The following PDE4D variants were observed in gnomAD, a reference collection of about 807,000 sequenced individuals.
PDE4D encodes phosphodiesterase 4D, also known as 3',5'-cyclic-AMP phosphodiesterase 4D.
Under a neutral mutation model 87.4 loss-of-function variants are expected in PDE4D, and 24 were observed. That is an observed-to-expected ratio of 0.27 (90% CI 0.20 to 0.39). The LOEUF is 0.39. Ranked by LOEUF, PDE4D falls within the 10% of genes least tolerant of loss-of-function variation. The pLI, the probability that PDE4D is intolerant of heterozygous loss-of-function variation, is 1.00. For missense variants in PDE4D, 714 were observed against 1,041.0 expected (o/e 0.69, Z 4.32); for synonymous variants, 384 against 383.2 (o/e 1.00, Z -0.02).
intron 1 of PDE4D, among the ~76,000 whole-genome samples, chr5:60,384,899 C>A (rs1365130088): frequency 6.6e-6 from 1 of 152,210 alleles, no homozygotes; most frequent in Non-Finnish European, 1.5e-5. Flanking sequence ...AAATCCTATT[C>A]CTCTTCTTGT....
intron 1 of PDE4D, among the ~76,000 whole-genome samples, chr5:59,612,238 TTTG>T (rs1415812813): frequency 6.3e-4 from 5 of 7,966 alleles, no homozygotes; most frequent in Non-Finnish European, 5.5e-4. Context: ...CACTGTTTTT[TTTG>T]TTTGTTTGTT....
chr5:59,232,511 C>CA (rs34024693), intron 1 of PDE4D, among the ~76,000 whole-genome samples: 33,390 of 141,754 alleles, frequency 0.24, 4,135 homozygotes, highest in Non-Finnish European at 0.28. Context: ...ATTAAAAGAC[C>CA]AAAAAAAAAA....
At chr5:59,187,795 G>A (rs1018955811) in intron 3 of PDE4D, among the ~76,000 whole-genome samples, 19 of 151,992 alleles carry the variant, frequency 1.3e-4, no homozygotes, top group African/African-American at 4.1e-4. Flanking sequence ...TTTTGCAGCA[G>A]GACAAACTAT....
chr5:59,151,031 T>G (rs368440101), intron 5 of PDE4D, among the ~76,000 whole-genome samples: 70 of 152,260 alleles, frequency 4.6e-4, no homozygotes, highest in African/African-American at 1.6e-3. Context: ...AAGAAGAAGT[T>G]TCAGGTGCCT....
intron 5 of PDE4D, among the ~76,000 whole-genome samples, chr5:59,143,907 C>G (rs150215948): frequency 3.2e-4 from 49 of 152,250 alleles, no homozygotes; most frequent in African/African-American, 1.2e-3. Flanking sequence ...GTTTTAATTC[C>G]ACAGGGTTGA....
intron 1 of PDE4D, among the ~76,000 whole-genome samples, chr5:59,639,450 A>G (rs1029439219): frequency 2.6e-5 from 4 of 152,270 alleles, no homozygotes; most frequent in African/African-American, 9.6e-5. Context: ...ACCAAAACTC[A>G]GGCAGTGGTA....
At position 59,796,181 on chromosome 5, in the gene PDE4D, G is replaced by C. The variant is rs543928342; in HGVS notation, c.455+96987C>G. On this transcript the variant is annotated intron_variant, in intron 1 of 14. Coordinates refer to ENST00000340635, the MANE Select transcript of PDE4D (RefSeq NM_001104631.2). ...GTCAAAAGATCAGGGAGGAAGTCTGGTGTCTTGGGAGAAATTTCTAGATTA... is the reference window on the plus strand; with the variant it reads ...GTCAAAAGATCAGGGAGGAAGTCTGCTGTCTTGGGAGAAATTTCTAGATTA... Among the ~76,000 whole-genome samples the C allele has an allele frequency of 2.3e-3, 352 of 152,308 alleles. 2 individuals are homozygous for C. The highest frequency in any genetic ancestry group is 2.4e-3 in the Non-Finnish European group (162 of 68,024).
chr5:59,537,937 T>C (rs1815565609), intron 1 of PDE4D, among the ~76,000 whole-genome samples: 1 of 152,186 alleles, frequency 6.6e-6, no homozygotes, highest in Non-Finnish European at 1.5e-5. Flanking sequence ...AGTAAATATA[T>C]TTCCATTTTA....
chr5:59,720,037 T>C (rs1362153128), intron 1 of PDE4D, among the ~76,000 whole-genome samples: 3 of 152,228 alleles, frequency 2.0e-5, no homozygotes, highest in Non-Finnish European at 2.9e-5. Context: ...CTGTAAATGC[T>C]ATGTTTATTC....
intron 2 of PDE4D, among the ~76,000 whole-genome samples, chr5:60,010,768 T>C (rs1764947122): frequency 1.3e-5 from 2 of 152,210 alleles, no homozygotes; most frequent in African/African-American, 4.8e-5. Flanking sequence ...TCTTTAGTTC[T>C]AAATCATTTT....
chr5:60,382,177 A>AAT (rs1036403976), intron 1 of PDE4D, among the ~76,000 whole-genome samples: 16 of 152,080 alleles, frequency 1.1e-4, no homozygotes, highest in East Asian at 5.8e-4. Context: ...TAAGCATTGA[A>AAT]ATATATATAT....
chr5:60,474,105 C>CATATATAT (rs1158022321), intron 1 of PDE4D, among the ~76,000 whole-genome samples: 621 of 30,764 alleles, frequency 0.02, 24 homozygotes, highest in Middle Eastern at 0.029. Context: ...TTTGAGCTGC[C>CATATATAT]ATATATATAT....
intron 1 of PDE4D, among the ~76,000 whole-genome samples, chr5:59,829,456 G>T (rs774877887): frequency 6.6e-6 from 1 of 151,910 alleles, no homozygotes; most frequent in Non-Finnish European, 1.5e-5. Context: ...CCAGCTGTGT[G>T]GGGGGCTGGC....
intron 2 of PDE4D, among the ~76,000 whole-genome samples, chr5:60,091,393 C>T (rs1191932005): frequency 6.6e-6 from 1 of 152,132 alleles, no homozygotes; most frequent in Non-Finnish European, 1.5e-5. Context: ...ACCTCAACAT[C>T]ACTTAATTAT....
intron 1 of PDE4D, among the ~76,000 whole-genome samples, chr5:60,342,279 T>G (rs953430481): frequency 6.6e-6 from 1 of 152,206 alleles, no homozygotes; most frequent in African/African-American, 2.4e-5. Flanking sequence ...TTTTTTTGCA[T>G]TTACTTCTTT....
chr5:59,707,606 C>A (rs940495022), intron 1 of PDE4D, among the ~76,000 whole-genome samples: 1 of 152,068 alleles, frequency 6.6e-6, no homozygotes, highest in Non-Finnish European at 1.5e-5. Context: ...CCTATCAACC[C>A]ATCACCTAGG....
chr5:59,589,459 A>T (rs1248545317), intron 1 of PDE4D, among the ~76,000 whole-genome samples: 2 of 152,202 alleles, frequency 1.3e-5, no homozygotes, highest in Non-Finnish European at 2.9e-5. Context: ...TTTGATCATG[A>T]TGATGATAAT....
At chr5:59,338,546 C>G (rs1406974253) in intron 1 of PDE4D, among the ~76,000 whole-genome samples, 1 of 152,164 alleles carries the variant, frequency 6.6e-6, no homozygotes, top group African/African-American at 2.4e-5. Context: ...TGCCGAAAGA[C>G]TGCACGTCAT....
At chr5:59,688,115 TAAAG>T (rs2150390433) in intron 1 of PDE4D, among the ~76,000 whole-genome samples, 1 of 152,080 alleles carries the variant, frequency 6.6e-6, no homozygotes, top group Admixed American at 6.5e-5. Context: ...CACACAATAA[TAAAG>T]AGAGACTGTA....
Sources: gnomAD v4.1 joint callset for allele counts (sites outside exome capture counted in the v4.1 genomes callset) on GRCh38, gnomAD v4.1.1 for gene constraint, MANE v1.5 for transcripts, NCBI Gene and HGNC (gene_info 2026-07-23, HGNC 2026-07-21) for gene names.